Variants in AQR observed in about 807,000 individuals in gnomAD.
AQR encodes RNA helicase aquarius.
In AQR, 61 loss-of-function variants were observed where a neutral mutation model predicts 180.5. That is an observed-to-expected ratio of 0.34 (90% CI 0.28 to 0.42). The LOEUF is 0.42. Ranked by LOEUF, AQR falls within the 10% of genes least tolerant of loss-of-function variation. The pLI, the probability that AQR is intolerant of heterozygous loss-of-function variation, is 1.00. For synonymous variants in AQR, 551 were observed against 588.8 expected, an observed-to-expected ratio of 0.94 and a Z score of 0.93; for missense variants, 1,281 against 1,798.3, an observed-to-expected ratio of 0.71 and a Z score of 5.20.
chr15:34,931,674 G>A (rs183762414), intron 11 of AQR, among the ~76,000 whole-genome samples: 176 of 152,212 alleles, frequency 1.2e-3, no homozygotes, highest in Non-Finnish European at 1.7e-3. Flanking sequence ...CGGGCGTGGC[G>A]GTGCATGCCT....
intron 12 of AQR, among the ~76,000 whole-genome samples, chr15:34,928,166 A>G (rs1229702814): frequency 6.6e-5 from 10 of 152,150 alleles, no homozygotes; most frequent in Admixed American, 6.5e-4. Context: ...GTCTCCACAT[A>G]CCTAGTAGGA....
At position 34,854,140 on chromosome 15, in the gene AQR, T is replaced by G. The variant is rs1829676806; in HGVS notation, c.*2652A>C. On this transcript the variant is annotated 3_prime_UTR_variant, in exon 35 of 35. Transcript: ENST00000156471. ...CCTCAACTGTTGGCAATGAACTTTC[T>G]TAACTCAGAATTTTGAAAAAAAAAA... is the stretch of plus-strand genomic sequence containing the variant. 2.1e-5 allele frequency: 3 copies of G among 142,294 alleles called. No individual in the cohort carries two copies. The highest frequency in any genetic ancestry group is 1.5e-5 in the Non-Finnish European group (1 of 65,636). The allele number at this position is 142,294 out of a possible 1,614,324, so 8.8% of individuals were successfully genotyped here. A position where few individuals can be genotyped will look rare whatever the true frequency, so the allele number is the denominator to read the frequency against.
rs1172122918 is a variant in AQR, at chr15:34,856,709, C to T, written c.*83G>A. 2 of 1,192,820 alleles carry T rather than the reference C, an allele frequency of 1.7e-6. No individual in the cohort carries two copies. The highest frequency in any genetic ancestry group is 2.3e-6 in the Non-Finnish European group (2 of 881,546). The allele number at this position is 1,192,820 out of a possible 1,614,324, so 73.9% of individuals were successfully genotyped here. ...ACATTAATTAGTGACAGTAAAATGG[C>T]AGAAGCAAATATAAAATACAAAAAA... is the stretch of plus-strand genomic sequence containing the variant. On this transcript the variant is annotated 3_prime_UTR_variant, in exon 35 of 35. Coordinates refer to ENST00000156471, the MANE Select transcript of AQR (RefSeq NM_014691.3).
At chr15:34,962,759 G>C (rs2050287398) in intron 2 of AQR, among the ~76,000 whole-genome samples, 1 of 149,768 alleles carries the variant, frequency 6.7e-6, no homozygotes, top group South Asian at 2.1e-4. Context: ...ACAAGAGCGA[G>C]ACTCCACCTC....
chr15:34,942,271 T>C (rs1194969053), intron 6 of AQR, among the ~76,000 whole-genome samples, 191 bp from the exon 7 acceptor site: 1 of 152,226 alleles, frequency 6.6e-6, no homozygotes, highest in African/African-American at 2.4e-5. Flanking sequence ...ACAGATTTTG[T>C]ACTTGCAAAT....
chr15:34,900,964 G>C, intron 19 of AQR, 101 bp from the exon 20 acceptor site: 2 of 1,438,224 alleles, frequency 1.4e-6, no homozygotes, highest in Non-Finnish European at 1.9e-6. Flanking sequence ...GAATTCCCGA[G>C]TGTTTCAGAG....
chr15:34,966,445 A>T (rs1435703456), intron 1 of AQR, among the ~76,000 whole-genome samples: 7 of 152,198 alleles, frequency 4.6e-5, no homozygotes, highest in Non-Finnish European at 7.3e-5. Flanking sequence ...CAATGAGAAA[A>T]TTCTTCTTGG....
rs752120098 is a variant in AQR, at chr15:34,893,787, G to T, written c.2461-14C>A. 2.6e-5 allele frequency: 41 copies of T among 1,605,004 alleles called. No homozygotes were observed. Among genetic ancestry groups the T allele is most frequent in the Non-Finnish European group, 3.4e-5 (40 of 1,171,882 alleles). The stretch of plus-strand genomic sequence containing the variant: ...TGGGCCCACAACCTAAAAAGAAGAT[G>T]AACACATAGCAAACTACTAAGTCAT... On this transcript the variant is annotated splice_polypyrimidine_tract_variant and intron_variant, in intron 22 of 34. Transcript: ENST00000156471.
Position 34,927,057 on chromosome 15 carries a change from C to T in AQR, c.1096G>A (p.Val366Ile). 1 of 1,589,414 alleles carries T rather than the reference C, an allele frequency of 6.3e-7. No individual in the cohort carries two copies. Among genetic ancestry groups the T allele is most frequent in the East Asian group, 2.3e-5 (1 of 44,044 alleles). ...VAEVDTRESL[V>I]KFFGPLSSNT... ...TACCTAAGAGGTCCAAAAAACTTGA[C>T]CAAGGACTCCCGAGTATCTACTTCT... Residue 366 changes from valine (V) to isoleucine (I), a missense_variant, in exon 13 of 35, where the codon GTC (valine) becomes ATC (isoleucine). Val to Ile is a conservative substitution (Grantham distance 29). Coordinates refer to ENST00000156471, the MANE Select transcript of AQR (RefSeq NM_014691.3).
intron 3 of AQR, among the ~76,000 whole-genome samples, chr15:34,960,244 A>G (rs962869838): frequency 2.0e-5 from 3 of 152,220 alleles, no homozygotes; most frequent in Non-Finnish European, 4.4e-5. Context: ...TTTGTGTTTG[A>G]AAAAACATGT....
At chr15:34,969,402 TA>T in intron 1 of AQR, 136 bp downstream of exon 1, 1 of 920,268 alleles carries the variant, frequency 1.1e-6, no homozygotes, top group Non-Finnish European at 1.7e-6. Flanking sequence ...TGATACTCAG[TA>T]AAAAGACGTG....
In AQR at chr15:34,910,119, T is replaced by C; in HGVS notation, c.1663+16A>G. 2.5e-6 allele frequency: 4 copies of C among 1,613,078 alleles called. No individual in the cohort carries two copies. Among genetic ancestry groups the C allele is most frequent in the Non-Finnish European group, 3.4e-6 (4 of 1,179,050 alleles). The stretch of plus-strand genomic sequence containing the variant: ...CAAGGCAAAAGGTAATGTCACTTTT[T>C]GAAATACAAACTTACCTTCCCATTC... On this transcript the variant is annotated intron_variant, in intron 17 of 34. Transcript: ENST00000156471.
In AQR at chr15:34,940,428, C is replaced by T. The variant is rs150778673; in HGVS notation, c.641+471G>A. Among the ~76,000 whole-genome samples the T allele has an allele frequency of 3.5e-3, 533 of 152,250 alleles. 6 individuals are homozygous for T. The highest frequency in any genetic ancestry group is 0.012 in the African/African-American group (514 of 41,526). ...GCCTGTAATCCCCTCTACTCAGAGG[C>T]TGGGGCAAGAGAAATCGCTTGAATC... On this transcript the variant is annotated intron_variant, in intron 8 of 34. Coordinates refer to ENST00000156471, the MANE Select transcript of AQR (RefSeq NM_014691.3).
At chr15:34,943,048 A>G in intron 6 of AQR, 2 of 1,599,938 alleles carry the variant, frequency 1.3e-6, no homozygotes, top group Non-Finnish European at 1.7e-6. Flanking sequence ...AATGTTAAAG[A>G]GGCTTTCTGT....
intron 3 of AQR, 150 bp from the exon 4 acceptor site, chr15:34,953,070 C>G (rs1431398929): frequency 1.9e-6 from 1 of 524,614 alleles, no homozygotes. Context: ...AATGTCAGTT[C>G]AACTTCTTAA....
intron 28 of AQR, among the ~76,000 whole-genome samples, chr15:34,875,683 C>T (rs1157314793): frequency 6.6e-6 from 1 of 152,066 alleles, no homozygotes; most frequent in Non-Finnish European, 1.5e-5. Context: ...ATTAAAATTA[C>T]TAAATCTTTT....
chr15:34,917,517 G>A (rs1407202956), intron 15 of AQR, among the ~76,000 whole-genome samples: 1 of 151,980 alleles, frequency 6.6e-6, no homozygotes, highest in African/African-American at 2.4e-5. Context: ...CAACACTAAG[G>A]GTTTACTATC....
chr15:34,955,548 C>G (rs1290913818), intron 3 of AQR, among the ~76,000 whole-genome samples: 2 of 152,162 alleles, frequency 1.3e-5, no homozygotes, highest in Admixed American at 6.6e-5. Flanking sequence ...TTATTAACTT[C>G]TGAGCTACCT....
At position 34,930,374 on chromosome 15, in the gene AQR, G is replaced by A. The variant is rs1480310295; in HGVS notation, c.901-3C>T. Reference sequence around the variant, plus strand: ...TAGAATTTAAGCATGTCCAAAAGCTGAAGAAACACATTTACATGTATAAAT... The same window carrying A: ...TAGAATTTAAGCATGTCCAAAAGCTAAAGAAACACATTTACATGTATAAAT... On this transcript the variant is annotated splice_region_variant and splice_polypyrimidine_tract_variant and intron_variant, in intron 11 of 34. Transcript: ENST00000156471. 6.7e-7 allele frequency: 1 copy of A among 1,499,288 alleles called. No individual in the cohort carries two copies. Among genetic ancestry groups the A allele is most frequent in the Non-Finnish European group, 9.3e-7 (1 of 1,077,716 alleles). The allele number at this position is 1,499,288 out of a possible 1,614,324, so 92.9% of individuals were successfully genotyped here. A position where few individuals can be genotyped will look rare whatever the true frequency, so the allele number is the denominator to read the frequency against.
Sources: allele counts gnomAD v4.1 joint callset (sites outside exome capture counted in the v4.1 genomes callset), GRCh38; gene constraint gnomAD v4.1.1; transcripts MANE v1.5; gene names NCBI Gene and HGNC (gene_info 2026-07-23, HGNC 2026-07-21).